The following LRP1B variants were observed in gnomAD, a reference collection of about 807,000 sequenced individuals.
The protein encoded by LRP1B is low-density lipoprotein receptor-related protein 1B.
Under a neutral mutation model 556.6 loss-of-function variants are expected in LRP1B, and 217 were observed. That is an observed-to-expected ratio of 0.39 (90% CI 0.35 to 0.44). The LOEUF is 0.44. Ranked by LOEUF, LRP1B falls within the 20% of genes least tolerant of loss-of-function variation. LRP1B has a pLI of 1.00. For missense variants in LRP1B, 5,053 were observed against 5,620.8 expected (o/e 0.90, Z 3.23); for synonymous variants, 2,047 against 1,865.8 (o/e 1.10, Z -2.50).
intron 7 of LRP1B, among the ~76,000 whole-genome samples, chr2:141,145,554 A>T (rs1311139228): frequency 4.0e-5 from 6 of 148,316 alleles, no homozygotes; most frequent in African/African-American, 1.3e-4. Flanking sequence ...TTTTTTAGAG[A>T]CAGAGTTTTG....
chr2:140,970,899 C>A lies in LRP1B; in HGVS notation c.2887+11261G>T, dbSNP rs375531943. Among the ~76,000 whole-genome samples the A allele has an allele frequency of 6.4e-4, 97 of 151,980 alleles. 1 individual carries two copies. The highest frequency in any genetic ancestry group is 2.3e-3 in the African/African-American group (96 of 41,424). On this transcript the variant is annotated intron_variant, in intron 18 of 90. Transcript: ENST00000389484. Reference sequence around the variant, plus strand: ...GGGACTACAGGCATATACCACCACACCCTGCTAATTTTTTGTTTTTGTTTA... The same window carrying A: ...GGGACTACAGGCATATACCACCACAACCTGCTAATTTTTTGTTTTTGTTTA...
chr2:140,868,346 C>G, intron 25 of LRP1B, 83 bp from the exon 26 acceptor site: 23 of 1,234,432 alleles, frequency 1.9e-5, no homozygotes, highest in Non-Finnish European at 2.5e-5. Flanking sequence ...CTACCATATG[C>G]TAGGCACTGG....
At chr2:141,810,169 G>T (rs28529494) in intron 2 of LRP1B, 110 bp downstream of exon 2, 388,732 of 725,374 alleles carry the variant, frequency 0.54, 108,589 homozygotes, top group Admixed American at 0.61. Context: ...AAGAAAGAAG[G>T]AAAGAAAGAA....
chr2:141,274,708 A>G (rs959476176), intron 3 of LRP1B, among the ~76,000 whole-genome samples: 1 of 152,214 alleles, frequency 6.6e-6, no homozygotes, highest in Non-Finnish European at 1.5e-5. Flanking sequence ...TGGTATGTAA[A>G]TAATACCATT....
intron 20 of LRP1B, among the ~76,000 whole-genome samples, chr2:140,943,956 T>C (rs1695472199): frequency 6.6e-6 from 1 of 151,768 alleles, no homozygotes; most frequent in African/African-American, 2.4e-5. Flanking sequence ...ACTCCCAAAA[T>C]ACCATACAAA....
chr2:140,770,200 G>T (rs146384299), intron 34 of LRP1B, among the ~76,000 whole-genome samples: 1 of 151,694 alleles, frequency 6.6e-6, no homozygotes, highest in African/African-American at 2.4e-5. Context: ...GAATTAATAC[G>T]TTTAAGGTGC....
intron 25 of LRP1B, among the ~76,000 whole-genome samples, chr2:140,879,257 G>T (rs1693400397): frequency 6.6e-6 from 1 of 152,108 alleles, no homozygotes; most frequent in Non-Finnish European, 1.5e-5. Context: ...ATCCATCAGT[G>T]ACACTGTAAT....
chr2:141,784,953 G>A (rs1695381524), intron 2 of LRP1B, among the ~76,000 whole-genome samples: 1 of 151,860 alleles, frequency 6.6e-6, no homozygotes, highest in African/African-American at 2.4e-5. Flanking sequence ...TTACCGATAG[G>A]TGGATAGATA....
chr2:141,294,313 T>TAAAC (rs1159120503), intron 3 of LRP1B, among the ~76,000 whole-genome samples: 1 of 152,172 alleles, frequency 6.6e-6, no homozygotes, highest in African/African-American at 2.4e-5. Context: ...AGTATTAATA[T>TAAAC]AAACATATTA....
At chr2:140,532,788 T>C (rs1690757669) in intron 47 of LRP1B, among the ~76,000 whole-genome samples, 1 of 151,972 alleles carries the variant, frequency 6.6e-6, no homozygotes, top group Non-Finnish European at 1.5e-5. Context: ...TGGAATTCTC[T>C]TTTGTTTCAT....
chr2:140,787,405 G>A (rs1029030013), intron 32 of LRP1B, among the ~76,000 whole-genome samples: 1 of 151,926 alleles, frequency 6.6e-6, no homozygotes, highest in Admixed American at 6.6e-5. Flanking sequence ...CAGCTCAAAT[G>A]GTATCTTTAT....
In LRP1B at chr2:141,878,033, A is replaced by C. The variant is rs185123521; in HGVS notation, c.83-67632T>G. Among the ~76,000 whole-genome samples the C allele has an allele frequency of 2.0e-5, 3 of 152,100 alleles. No homozygotes were observed. In the East Asian group the frequency reaches 5.8e-4, roughly 29 times the overall value. On this transcript the variant is annotated intron_variant, in intron 1 of 90. Transcript: ENST00000389484. ...TTTTGACATTCCCTAAAATGTTTGCATTCTTAAATTTTCCAGTAAACAACT... is the reference window on the plus strand; with the variant it reads ...TTTTGACATTCCCTAAAATGTTTGCCTTCTTAAATTTTCCAGTAAACAACT...
In LRP1B at chr2:141,639,304, GTATATATATATATATATATATATATATA is replaced by G. The variant is rs577532316; in HGVS notation, c.206-158799_206-158772del. ...GGACCCAGGAGTACGCATCATGTGT[GTATATATATATATATATATATATATATA>G]TATATATATATATATATACACACAC... On this transcript the variant is annotated intron_variant, in intron 2 of 90. Coordinates refer to ENST00000389484, the MANE Select transcript of LRP1B (RefSeq NM_018557.3). Among the ~76,000 whole-genome samples, 516 of 58,464 alleles carry G rather than the reference GTATATATATATATATATATATATATATA, an allele frequency of 8.8e-3. 23 individuals are homozygous for G. Among genetic ancestry groups the G allele is most frequent in the African/African-American group, 0.035 (482 of 13,706 alleles). 38.4% of individuals were successfully genotyped at this position (58,464 alleles called of 152,430 possible). A position where few individuals can be genotyped will look rare whatever the true frequency, so the allele number is the denominator to read the frequency against.
At chr2:140,350,287 C>T (rs2105114155) in intron 77 of LRP1B, among the ~76,000 whole-genome samples, 1 of 152,062 alleles carries the variant, frequency 6.6e-6, no homozygotes, top group Admixed American at 6.6e-5. Flanking sequence ...TACACAAGTG[C>T]ACAATATTTC....
intron 2 of LRP1B, among the ~76,000 whole-genome samples, chr2:141,493,756 C>T (rs1017652029): frequency 7.2e-5 from 11 of 152,100 alleles, no homozygotes; most frequent in Non-Finnish European, 1.2e-4. Flanking sequence ...TTTTATTAAC[C>T]GTTATGGCTG....
At chr2:141,429,579 C>T (rs1680491448) in intron 3 of LRP1B, among the ~76,000 whole-genome samples, 1 of 152,078 alleles carries the variant, frequency 6.6e-6, no homozygotes, top group Admixed American at 6.6e-5. Flanking sequence ...AAAGATCATC[C>T]CATCACTTAG....
intron 2 of LRP1B, among the ~76,000 whole-genome samples, chr2:141,552,528 C>G (rs7597633): frequency 6.6e-6 from 1 of 151,858 alleles, no homozygotes; most frequent in Admixed American, 6.6e-5. Context: ...TAATTACCAG[C>G]TACATGAGAT....
intron 2 of LRP1B, among the ~76,000 whole-genome samples, chr2:141,644,564 T>C (rs1304648706): frequency 6.6e-6 from 1 of 152,136 alleles, no homozygotes; most frequent in South Asian, 2.1e-4. Flanking sequence ...TTAAAATTAT[T>C]AGATAAATTG....
At chr2:141,948,384 C>G (rs772908087) in intron 1 of LRP1B, among the ~76,000 whole-genome samples, 1 of 151,800 alleles carries the variant, frequency 6.6e-6, no homozygotes, top group African/African-American at 2.4e-5. Context: ...TGGCATAATT[C>G]TTGGCAAATA....
Sources: allele counts gnomAD v4.1 joint callset (sites outside exome capture counted in the v4.1 genomes callset), GRCh38; gene constraint gnomAD v4.1.1; transcripts MANE v1.5; gene names NCBI Gene and HGNC (gene_info 2026-07-23, HGNC 2026-07-21).